Variants in XPO7 observed in about 807,000 individuals in gnomAD.
XPO7 encodes exportin-7.
Under a neutral mutation model 144.3 loss-of-function variants are expected in XPO7, and 21 were observed. That is an observed-to-expected ratio of 0.15 (90% CI 0.10 to 0.21). The LOEUF is 0.21. Among genes scored for constraint, XPO7 ranks in the 10% least tolerant of loss-of-function variants. XPO7 has a pLI of 1.00. For synonymous variants in XPO7, 580 were observed against 499.6 expected (o/e 1.16, Z -2.15); for missense variants, 808 against 1,325.8 (o/e 0.61, Z 6.06).
At chr8:21,954,453 G>A (rs943965119) in intron 1 of XPO7, among the ~76,000 whole-genome samples, 1 of 152,104 alleles carries the variant, frequency 6.6e-6, no homozygotes, top group Non-Finnish European at 1.5e-5. Context: ...GACCAGCATG[G>A]TGAAACCCCA....
At chr8:21,994,991 T>C (rs1473004003) in intron 20 of XPO7, among the ~76,000 whole-genome samples, 1 of 151,900 alleles carries the variant, frequency 6.6e-6, no homozygotes, top group East Asian at 1.9e-4. Flanking sequence ...GAGGCGGAGC[T>C]TGCAGTGAGC....
Position 22,005,167 on chromosome 8 carries a change from GCCTGGCTGAT to G in XPO7, c.*87_*96del. 8.2e-7 allele frequency: 1 copy of G among 1,220,536 alleles called. No individual in the cohort carries two copies. Among genetic ancestry groups the G allele is most frequent in the Non-Finnish European group, 1.1e-6 (1 of 870,726 alleles). 75.6% of individuals were successfully genotyped at this position (1,220,536 alleles called of 1,614,324 possible). Reference sequence around the variant, plus strand: ...GGGGCGAACAATTGCAAGGGAGAGGGCCTGGCTGATCCTGGCTCTTTTCTCCAGGGGTGTG... The same window carrying G: ...GGGGCGAACAATTGCAAGGGAGAGGGCCTGGCTCTTTTCTCCAGGGGTGTG... On this transcript the variant is annotated 3_prime_UTR_variant, in exon 28 of 28. Coordinates refer to ENST00000252512, the MANE Select transcript of XPO7 (RefSeq NM_015024.5).
At chr8:21,934,389 C>T (rs1238432364) in intron 1 of XPO7, among the ~76,000 whole-genome samples, 8 of 151,972 alleles carry the variant, frequency 5.3e-5, no homozygotes, top group East Asian at 1.9e-4. Context: ...CAAAATTAGC[C>T]GGGCGTGGTG....
chr8:21,970,117 GT>G, intron 3 of XPO7, 26 bp from the exon 4 acceptor site: 3 of 1,600,614 alleles, frequency 1.9e-6, no homozygotes, highest in Non-Finnish European at 2.6e-6. Context: ...ATGTGGATTG[GT>G]TTTGTTTCTT....
chr8:21,937,364 G>C (rs182221822), intron 1 of XPO7, among the ~76,000 whole-genome samples: 4 of 152,210 alleles, frequency 2.6e-5, no homozygotes, highest in African/African-American at 9.6e-5. Context: ...AATGTCTTAC[G>C]GTAATAGTTA....
chr8:21,999,459 A>C, intron 23 of XPO7, 77 bp from the exon 24 acceptor site: 1 of 1,593,752 alleles, frequency 6.3e-7, no homozygotes, highest in Non-Finnish European at 8.6e-7. Context: ...AAAGGAGCTA[A>C]GCTATTTAAG....
chr8:21,933,638 G>A (rs929493147), intron 1 of XPO7, among the ~76,000 whole-genome samples: 7 of 152,064 alleles, frequency 4.6e-5, no homozygotes, highest in Non-Finnish European at 1.0e-4. Context: ...TTTATATGGT[G>A]AGTCTATTAA....
chr8:21,919,940 C>T (rs1324420206), intron 1 of XPO7, among the ~76,000 whole-genome samples, 152 bp downstream of exon 1: 2 of 151,654 alleles, frequency 1.3e-5, no homozygotes, highest in African/African-American at 2.4e-5. Context: ...CGTCCCGGAG[C>T]CCCGGGGCCT....
At chr8:21,921,885 C>T in intron 1 of XPO7, among the ~76,000 whole-genome samples, 1 of 152,112 alleles carries the variant, frequency 6.6e-6, no homozygotes, top group East Asian at 1.9e-4. Context: ...TGTCAGACCA[C>T]TAAGTGTTAA....
chr8:21,984,620 T>G (rs1169670402), intron 11 of XPO7, 26 bp from the exon 12 acceptor site: 1 of 1,580,604 alleles, frequency 6.3e-7, no homozygotes, highest in Non-Finnish European at 8.6e-7. Flanking sequence ...TTAAGAGAGC[T>G]GCCTTCCTTC....
chr8:21,938,000 TTCTGCA>T (rs1810875408), intron 1 of XPO7, among the ~76,000 whole-genome samples: 1 of 152,228 alleles, frequency 6.6e-6, no homozygotes, highest in South Asian at 2.1e-4. Flanking sequence ...TTTTCAAACT[TTCTGCA>T]TATATAACCC....
chr8:21,980,276 C>T, intron 9 of XPO7, 73 bp downstream of exon 9: 3 of 1,475,824 alleles, frequency 2.0e-6, no homozygotes, highest in Non-Finnish European at 2.7e-6. Flanking sequence ...GAAGGAAATC[C>T]ATCCCAAGGC....
intron 11 of XPO7, among the ~76,000 whole-genome samples, chr8:21,983,388 T>C (rs192263472): frequency 4.9e-4 from 75 of 152,340 alleles, no homozygotes; most frequent in Middle Eastern, 6.8e-3. Flanking sequence ...GTTATAGCCC[T>C]GTTTAGGTAG....
At chr8:21,939,947 A>G (rs1474041657) in intron 1 of XPO7, among the ~76,000 whole-genome samples, 3 of 152,184 alleles carry the variant, frequency 2.0e-5, no homozygotes, top group African/African-American at 7.2e-5. Flanking sequence ...ATCTCCCTGA[A>G]TTCTGTCATG....
Position 21,989,068 on chromosome 8 carries a change from A to G in XPO7, c.1853A>G (p.Asn618Ser), listed in dbSNP as rs1812673641. The G allele has an allele frequency of 6.8e-6, 11 of 1,613,650 alleles. No homozygotes were observed. The highest frequency in any genetic ancestry group is 8.5e-6 in the Non-Finnish European group (10 of 1,179,832). ...PITSKTLQLL[N>S]DLSIGYSSVR... ...ACCTCCAAGACACTACAGCTTCTCAATGACCTGTCCATTGGATATCCTTTT... is the reference window on the plus strand; with the variant it reads ...ACCTCCAAGACACTACAGCTTCTCAGTGACCTGTCCATTGGATATCCTTTT... The change falls in exon 16 of 28, where the codon AAT becomes AGT. Residue 618 changes from asparagine to serine, a missense_variant. This residue lies in a region of XPO7 where 416 missense variants were observed against 612.5 expected (regional missense o/e 0.68). Coordinates refer to ENST00000252512, the MANE Select transcript of XPO7 (RefSeq NM_015024.5).
chr8:21,987,422 C>T, intron 14 of XPO7, 146 bp downstream of exon 14: 1 of 1,236,168 alleles, frequency 8.1e-7, no homozygotes, highest in African/African-American at 1.5e-5. Context: ...TCTTTAAATT[C>T]TGGGAGAGTC....
At chr8:21,937,690 AGG>A (rs1453589942) in intron 1 of XPO7, among the ~76,000 whole-genome samples, 1 of 152,236 alleles carries the variant, frequency 6.6e-6, no homozygotes, top group Non-Finnish European at 1.5e-5. Flanking sequence ...TTAATTGTAG[AGG>A]ATCAAGCAGA....
chr8:21,972,562 C>T (rs1812101836), intron 5 of XPO7, among the ~76,000 whole-genome samples: 1 of 152,208 alleles, frequency 6.6e-6, no homozygotes, highest in Non-Finnish European at 1.5e-5. Context: ...TTGTGTGCCC[C>T]TTCTGCTCCT....
intron 1 of XPO7, among the ~76,000 whole-genome samples, chr8:21,935,973 T>G (rs1032908493): frequency 2.6e-5 from 4 of 152,172 alleles, no homozygotes; most frequent in Admixed American, 2.6e-4. Context: ...GTGGAGTATT[T>G]CTCTCCAAAA....
Sources: gnomAD v4.1 joint callset for allele counts (sites outside exome capture counted in the v4.1 genomes callset) on GRCh38, gnomAD v4.1.1 for gene constraint, gnomAD v4.1.1 regional missense constraint, MANE v1.5 for transcripts, NCBI Gene and HGNC (gene_info 2026-07-23, HGNC 2026-07-21) for gene names.